The following POU6F2 variants were observed in gnomAD, a reference collection of about 807,000 sequenced individuals.
POU6F2 encodes the protein POU domain, class 6, transcription factor 2.
In POU6F2, 31 loss-of-function variants were observed where a neutral mutation model predicts 71.3. The observed-to-expected ratio is 0.43, with a 90% confidence interval of 0.33 to 0.59. POU6F2 has a LOEUF of 0.59. Among genes scored for constraint, POU6F2 ranks in the 20% least tolerant of loss-of-function variants. The probability of loss-of-function intolerance (pLI) is 0.04; values close to 1 mark genes in which losing one functional copy is unlikely to be tolerated. For synonymous variants in POU6F2, 347 were observed against 355.7 expected, an observed-to-expected ratio of 0.98 and a Z score of 0.27; for missense variants, 783 against 856.8, an observed-to-expected ratio of 0.91 and a Z score of 1.07.
At chr7:39,271,408 G>A (rs1004321796) in intron 4 of POU6F2, among the ~76,000 whole-genome samples, 3 of 151,504 alleles carry the variant, frequency 2.0e-5, no homozygotes, top group Non-Finnish European at 4.4e-5. Context: ...TAAAGGCATG[G>A]CAAGAGAAAA....
At chr7:39,013,812 A>G (rs770644584) in intron 1 of POU6F2, among the ~76,000 whole-genome samples, 6 of 152,310 alleles carry the variant, frequency 3.9e-5, no homozygotes, top group South Asian at 4.1e-4. Context: ...GTAATATGTC[A>G]TCTTTCCAAC....
intron 1 of POU6F2, among the ~76,000 whole-genome samples, chr7:39,038,420 A>C (rs999054611): frequency 2.0e-5 from 3 of 152,022 alleles, no homozygotes; most frequent in African/African-American, 7.2e-5. Context: ...ATTTTGCCTA[A>C]AATAAATGTA....
chr7:39,150,053 T>C (rs1375690526), intron 2 of POU6F2, among the ~76,000 whole-genome samples: 3 of 151,886 alleles, frequency 2.0e-5, no homozygotes, highest in Non-Finnish European at 4.4e-5. Flanking sequence ...GCCCAGCTAA[T>C]TTTTTTTATT....
At chr7:38,986,070 A>G (rs1195798843) in intron 1 of POU6F2, among the ~76,000 whole-genome samples, 1 of 152,164 alleles carries the variant, frequency 6.6e-6, no homozygotes, top group Non-Finnish European at 1.5e-5. Flanking sequence ...TCACAGACAT[A>G]CTTTAAACAT....
chr7:39,253,947 C>T (rs1783971702), intron 4 of POU6F2, among the ~76,000 whole-genome samples: 1 of 152,184 alleles, frequency 6.6e-6, no homozygotes, highest in East Asian at 1.9e-4. Context: ...ACCTGACCAA[C>T]TATAAGGAGT....
At position 39,406,635 on chromosome 7, in the gene POU6F2, G is replaced by T. The variant is rs148254024; in HGVS notation, c.1008G>T (p.Ala336=). 1.2e-6 allele frequency: 2 copies of T among 1,613,054 alleles called. No individual in the cohort carries two copies. Among genetic ancestry groups the T allele is most frequent in the African/African-American group, 1.3e-5 (1 of 74,818 alleles). ...ATCCACTAGCAAGTCAGGCTGCAGC[G>T]GCTGCAGCAGCCATGAGCTCCATAG... ...VNNPLASQAA[A]AAAAMSSIAS... is the part of the protein sequence containing the mutation. Residue 336 remains alanine (A), a synonymous_variant, in exon 6 of 10, where the codon GCG becomes GCT. Transcript: ENST00000518318.
At chr7:39,367,417 A>C (rs1786523260) in intron 5 of POU6F2, among the ~76,000 whole-genome samples, 1 of 152,246 alleles carries the variant, frequency 6.6e-6, no homozygotes, top group South Asian at 2.1e-4. Context: ...AACCTTGGCT[A>C]TCCATCACCC....
intron 4 of POU6F2, among the ~76,000 whole-genome samples, chr7:39,249,444 GCT>G (rs1439302892): frequency 1.3e-5 from 2 of 152,100 alleles, no homozygotes; most frequent in Non-Finnish European, 2.9e-5. Context: ...CCACATTTCT[GCT>G]CTTTCTCAAA....
At chr7:39,175,053 C>G (rs541863215) in intron 2 of POU6F2, among the ~76,000 whole-genome samples, 45 of 152,116 alleles carry the variant, frequency 3.0e-4, no homozygotes, top group Non-Finnish European at 5.9e-4. Context: ...TATGGTGCCA[C>G]ACTATCAGTG....
chr7:39,094,505 C>T (rs1036735217), intron 2 of POU6F2, among the ~76,000 whole-genome samples: 1 of 151,960 alleles, frequency 6.6e-6, no homozygotes, highest in African/African-American at 2.4e-5. Flanking sequence ...GCCTATATAT[C>T]AAGGTAGAGT....
chr7:38,999,188 T>C (rs576440564), intron 1 of POU6F2, among the ~76,000 whole-genome samples: 2 of 152,280 alleles, frequency 1.3e-5, no homozygotes, highest in African/African-American at 4.8e-5. Context: ...ATGTGGAATA[T>C]ACTGTTTGGC....
rs116586344 is a variant in POU6F2, at chr7:38,994,361, C to T, written c.105+16303C>T. On this transcript the variant is annotated intron_variant, in intron 1 of 9. Coordinates refer to ENST00000518318, the MANE Select transcript of POU6F2 (RefSeq NM_001370959.1). ...AGGAATAGGAGGGAGGCGGGAGAAA[C>T]AGGGAATTGATTCTGCAGGTCCCAG... 7.0e-3 allele frequency among the ~76,000 whole-genome samples: 1,058 copies of T among 152,034 alleles called. 12 individuals are homozygous for T. The highest frequency in any genetic ancestry group is 0.025 in the African/African-American group (1,021 of 41,462).
chr7:39,151,490 A>G (rs1372088974), intron 2 of POU6F2, among the ~76,000 whole-genome samples: 1 of 152,162 alleles, frequency 6.6e-6, no homozygotes, highest in African/African-American at 2.4e-5. Flanking sequence ...TGTTGAGCTG[A>G]TGTAGCTCTT....
chr7:39,437,607 C>A (rs1231044658), intron 7 of POU6F2, among the ~76,000 whole-genome samples: 1 of 151,352 alleles, frequency 6.6e-6, no homozygotes, highest in African/African-American at 2.4e-5. Flanking sequence ...AAGGGTTTTT[C>A]TTGTCTCTAT....
intron 2 of POU6F2, among the ~76,000 whole-genome samples, chr7:39,194,743 C>G (rs1029349068): frequency 1.3e-5 from 2 of 152,226 alleles, no homozygotes; most frequent in African/African-American, 4.8e-5. Context: ...GGTGCTCCCT[C>G]TTTGCTTCCG....
At chr7:39,317,535 A>G (rs980003777) in intron 4 of POU6F2, among the ~76,000 whole-genome samples, 10 of 152,256 alleles carry the variant, frequency 6.6e-5, no homozygotes, top group Admixed American at 1.3e-4. Flanking sequence ...GACATAATAC[A>G]TTACCATGGG....
At chr7:39,412,325 C>T (rs1416186526) in intron 6 of POU6F2, among the ~76,000 whole-genome samples, 1 of 152,176 alleles carries the variant, frequency 6.6e-6, no homozygotes, top group African/African-American at 2.4e-5. Flanking sequence ...GTAATTAGCC[C>T]ATCATTTAAA....
chr7:39,344,819 A>G (rs1393961857), intron 5 of POU6F2, among the ~76,000 whole-genome samples: 3 of 152,144 alleles, frequency 2.0e-5, no homozygotes, highest in African/African-American at 7.2e-5. Flanking sequence ...AACTGTGTAG[A>G]GTTGGGTGAC....
intron 4 of POU6F2, among the ~76,000 whole-genome samples, chr7:39,285,940 T>C (rs6949878): frequency 0.46 from 70,280 of 152,036 alleles, 17,201 homozygotes; most frequent in Admixed American, 0.62. Flanking sequence ...GCTCTATATT[T>C]CCAGCACAGG....
Sources: gnomAD v4.1 joint callset for allele counts (sites outside exome capture counted in the v4.1 genomes callset) on GRCh38, gnomAD v4.1.1 for gene constraint, MANE v1.5 for transcripts, NCBI Gene and HGNC (gene_info 2026-07-23, HGNC 2026-07-21) for gene names.